PIGU: variants seen among roughly 807,000 people sequenced by gnomAD.
PIGU encodes the protein phosphatidylinositol glycan anchor biosynthesis class U.
Under a neutral mutation model 49.9 loss-of-function variants are expected in PIGU, and 24 were observed. That is an observed-to-expected ratio of 0.48 (90% CI 0.35 to 0.68). The LOEUF (loss-of-function observed/expected upper bound fraction) is 0.68, where lower values mean the gene tolerates loss of function less well. PIGU is among the 30% of genes least tolerant of loss of function. The probability of loss-of-function intolerance (pLI) is 0.01; values close to 1 mark genes in which losing one functional copy is unlikely to be tolerated. For synonymous variants in PIGU, 220 were observed against 205.7 expected (o/e 1.07, Z -0.59); for missense variants, 490 against 532.6 (o/e 0.92, Z 0.79).
intron 7 of PIGU, among the ~76,000 whole-genome samples, chr20:34,604,521 T>C (rs1984542359): frequency 6.6e-6 from 1 of 152,202 alleles, no homozygotes; most frequent in African/African-American, 2.4e-5. Flanking sequence ...TGAAAATGCT[T>C]GATCAAGCTC....
At position 34,642,132 on chromosome 20, in the gene PIGU, T is replaced by C. The variant is rs956419059; in HGVS notation, c.318+2032A>G. ...CTCTAAATTAAAGGCATCTCTCCTG[T>C]TGACATTGAAGCCTGACTTTGTTAG... On this transcript the variant is annotated intron_variant, in intron 4 of 11. Coordinates refer to ENST00000217446, the MANE Select transcript of PIGU (RefSeq NM_080476.5). Among the ~76,000 whole-genome samples the C allele has an allele frequency of 4.6e-5, 7 of 152,372 alleles. No homozygotes were observed. The East Asian group carries it at 1.2e-3, about 25-fold the overall frequency.
chr20:34,635,918 G>T (rs1181526900), intron 5 of PIGU, among the ~76,000 whole-genome samples: 1 of 150,802 alleles, frequency 6.6e-6, no homozygotes, highest in Non-Finnish European at 1.5e-5. Flanking sequence ...GCTGGGCATG[G>T]TGGCTCACTC....
chr20:34,588,547 C>T lies in PIGU; in HGVS notation c.688G>A (p.Ala230Thr), dbSNP rs1451505817. Residue 230 changes from alanine (A) to threonine (T), a missense_variant, in exon 8 of 12, where the codon GCC (alanine) becomes ACC (threonine). Ala to Thr is a moderately conservative substitution (Grantham distance 58). Transcript: ENST00000217446. ...KAFWIFSWEY[A>T]MMYVGSLVVI... The stretch of plus-strand genomic sequence containing the variant: ...ACTAGGCTTCCCACATACATCATGG[C>T]ATACTCCCAAGAAAAGATCCAGAAG... 1 of 1,613,752 alleles carries T rather than the reference C, an allele frequency of 6.2e-7. No individual in the cohort carries two copies. The highest frequency in any genetic ancestry group is 8.5e-7 in the Non-Finnish European group (1 of 1,179,662).
At chr20:34,576,392 ATTCT>A (rs1983235519) in intron 10 of PIGU, among the ~76,000 whole-genome samples, 1 of 152,064 alleles carries the variant, frequency 6.6e-6, no homozygotes, top group African/African-American at 2.4e-5. Flanking sequence ...TTTAAATAAT[ATTCT>A]TTATTATTAA....
rs375592162 is a variant in PIGU, at chr20:34,572,265, C to T, written c.1194+2839G>A. Among the ~76,000 whole-genome samples the T allele has an allele frequency of 3.9e-4, 59 of 152,102 alleles. No individual in the cohort carries two copies. In the East Asian group the frequency reaches 4.7e-3, roughly 12 times the overall value. ...ACCAGCCTGGTCTCAAACTCCTGAC[C>T]TCAAGTGATCCTCCCATCTCAGCCT... On this transcript the variant is annotated intron_variant, in intron 11 of 11. Coordinates refer to ENST00000217446, the MANE Select transcript of PIGU (RefSeq NM_080476.5).
At chr20:34,651,926 A>G (rs1248116378) in intron 2 of PIGU, among the ~76,000 whole-genome samples, 2 of 151,938 alleles carry the variant, frequency 1.3e-5, no homozygotes, top group Admixed American at 1.3e-4. Context: ...CAACAAAGTG[A>G]GACCCCCCCC....
chr20:34,674,170 A>G (rs764151715), intron 1 of PIGU, among the ~76,000 whole-genome samples: 7 of 152,032 alleles, frequency 4.6e-5, no homozygotes, highest in Non-Finnish European at 1.0e-4. Flanking sequence ...AGACTAGCCA[A>G]CATGGTGAAA....
chr20:34,565,385 T>C (rs1459908897), intron 11 of PIGU, among the ~76,000 whole-genome samples: 1 of 152,026 alleles, frequency 6.6e-6, no homozygotes, highest in Non-Finnish European at 1.5e-5. Context: ...CCGAGAAAGC[T>C]GGGACTACAA....
At position 34,665,449 on chromosome 20, in the gene PIGU, C is replaced by T. The variant is rs553080610; in HGVS notation, c.131-8205G>A. On this transcript the variant is annotated intron_variant, in intron 1 of 11. Coordinates refer to ENST00000217446, the MANE Select transcript of PIGU (RefSeq NM_080476.5). ...CGATCTCCTGACCTCGTGATCCGCC[C>T]GCCTCGGCCTCCCAAAGTGCTGGGA... Among the ~76,000 whole-genome samples the T allele has an allele frequency of 7.3e-5, 11 of 151,474 alleles. No homozygotes were observed. The East Asian group carries it at 2.1e-3, about 30-fold the overall frequency.
rs1568624958 is a variant in PIGU at position 34,581,645 on chromosome 20, G to A, written c.954C>T (p.Ile318=). Residue 318 remains isoleucine, a synonymous_variant, in exon 10 of 12, where the codon ATC becomes ATT. Coordinates refer to ENST00000217446, the MANE Select transcript of PIGU (RefSeq NM_080476.5). ...TAAAGATGGCGATGACAGCGATCTG[G>A]ATAAACATGAAGAAGATGGGGTGCT... ...LKEHPIFFMF[I]QIAVIAIFKS... is the part of the protein sequence containing the mutation. 6.2e-7 allele frequency: 1 copy of A among 1,613,902 alleles called. No individual in the cohort carries two copies. The highest frequency in any genetic ancestry group is 1.1e-5 in the South Asian group (1 of 91,062).
At chr20:34,587,597 A>G (rs975900948) in intron 8 of PIGU, among the ~76,000 whole-genome samples, 2 of 152,176 alleles carry the variant, frequency 1.3e-5, no homozygotes, top group Non-Finnish European at 2.9e-5. Context: ...AAGAAAAGAA[A>G]AAAACATATT....
intron 7 of PIGU, among the ~76,000 whole-genome samples, chr20:34,612,150 A>G (rs1984838940): frequency 6.6e-6 from 1 of 152,230 alleles, no homozygotes; most frequent in African/African-American, 2.4e-5. Context: ...AATGTGGCAT[A>G]TATACACCAT....
At chr20:34,583,164 G>A (rs1227458077) in intron 9 of PIGU, among the ~76,000 whole-genome samples, 1 of 152,220 alleles carries the variant, frequency 6.6e-6, no homozygotes, top group Non-Finnish European at 1.5e-5. Context: ...CCTCAGAAAC[G>A]CAGCTTGGCA....
chr20:34,606,546 C>A (rs1984623305), intron 7 of PIGU, among the ~76,000 whole-genome samples: 1 of 152,098 alleles, frequency 6.6e-6, no homozygotes, highest in Non-Finnish European at 1.5e-5. Flanking sequence ...TGAACTCGTT[C>A]CTCTGCTCTT....
At chr20:34,577,066 C>G (rs186647466) in intron 10 of PIGU, among the ~76,000 whole-genome samples, 1 of 152,308 alleles carries the variant, frequency 6.6e-6, no homozygotes, top group Admixed American at 6.5e-5. Flanking sequence ...TTTTAACTCT[C>G]TAGGGGTTAT....
At chr20:34,629,813 A>G (rs925553553) in intron 6 of PIGU, among the ~76,000 whole-genome samples, 2 of 152,162 alleles carry the variant, frequency 1.3e-5, no homozygotes, top group African/African-American at 4.8e-5. Flanking sequence ...GTGTTTATCA[A>G]CTCTCCCTCC....
chr20:34,561,129 A>C (rs1330149270), intron 11 of PIGU, 150 bp from the exon 12 acceptor site: 1 of 604,824 alleles, frequency 1.7e-6, no homozygotes, highest in East Asian at 3.0e-5. Context: ...CAGGGCCCCC[A>C]CCTCAGGGCC....
chr20:34,626,623 T>C (rs1467063339), intron 6 of PIGU, among the ~76,000 whole-genome samples: 5 of 152,148 alleles, frequency 3.3e-5, no homozygotes, highest in African/African-American at 1.2e-4. Context: ...CCAAACATTT[T>C]AAGACTGCCC....
At chr20:34,617,863 T>C (rs1169307202) in intron 6 of PIGU, among the ~76,000 whole-genome samples, 1 of 152,214 alleles carries the variant, frequency 6.6e-6, no homozygotes, top group African/African-American at 2.4e-5. Flanking sequence ...AATTGAATCA[T>C]GGGAGTTGCT....
Sources: allele counts gnomAD v4.1 joint callset (sites outside exome capture counted in the v4.1 genomes callset), GRCh38; gene constraint gnomAD v4.1.1; transcripts MANE v1.5; gene names NCBI Gene and HGNC (gene_info 2026-07-23, HGNC 2026-07-21).